The following SAMD4A variants were observed in gnomAD, a reference collection of about 807,000 sequenced individuals.
SAMD4A encodes sterile alpha motif domain containing 4A, also known as protein Smaug homolog 1.
In SAMD4A, 33 loss-of-function variants were observed where a neutral mutation model predicts 81.3. The ratio of observed to expected loss-of-function variants is 0.41; its 90% CI spans 0.31 to 0.54. The LOEUF is 0.54. Ranked by LOEUF, SAMD4A falls within the 20% of genes least tolerant of loss-of-function variation. The probability of loss-of-function intolerance (pLI) is 0.37; values close to 1 mark genes in which losing one functional copy is unlikely to be tolerated. For synonymous variants in SAMD4A, 389 were observed against 382.1 expected (o/e 1.02, Z -0.21); for missense variants, 854 against 951.1 (o/e 0.90, Z 1.34).
intron 2 of SAMD4A, among the ~76,000 whole-genome samples, chr14:54,580,000 GTT>G (rs1467705758): frequency 2.0e-5 from 3 of 152,232 alleles, no homozygotes; most frequent in African/African-American, 7.2e-5. Flanking sequence ...ATATGTTACA[GTT>G]GGTATAAGAG....
chr14:54,642,237 A>G (rs1452483847), intron 2 of SAMD4A, among the ~76,000 whole-genome samples: 4 of 152,230 alleles, frequency 2.6e-5, no homozygotes, highest in Non-Finnish European at 5.9e-5. Context: ...CACTAAGGGC[A>G]GGGGACTAAG....
intron 2 of SAMD4A, among the ~76,000 whole-genome samples, chr14:54,609,460 GTTATT>G (rs1449415454): frequency 6.6e-6 from 1 of 152,228 alleles, no homozygotes; most frequent in African/African-American, 2.4e-5. Context: ...ATAAAAGTGT[GTTATT>G]TTAAGCCACT....
At chr14:54,750,615 A>G (rs1030489563) in intron 5 of SAMD4A, among the ~76,000 whole-genome samples, 2 of 152,234 alleles carry the variant, frequency 1.3e-5, no homozygotes, top group African/African-American at 4.8e-5. Context: ...TTAGAGAAAC[A>G]AAAGACAAGC....
intron 4 of SAMD4A, among the ~76,000 whole-genome samples, chr14:54,739,881 G>A (rs547029379): frequency 6.6e-6 from 1 of 152,336 alleles, no homozygotes; most frequent in South Asian, 2.1e-4. Flanking sequence ...TTAAAGAAAT[G>A]AGATATGGCT....
Position 54,719,619 on chromosome 14 carries a change from CA to C in SAMD4A, c.715+17040del, listed in dbSNP as rs539032063. Among the ~76,000 whole-genome samples the C allele has an allele frequency of 2.0e-5, 3 of 152,118 alleles. 1 individual carries two copies. The South Asian group carries it at 6.2e-4, about 31-fold the overall frequency. Reference sequence around the variant, plus strand: ...TATACTGAATGGCAGAATCAAAGTCCAGAACGGTCTTGGGCAATATCAAGCT... The same window carrying C: ...TATACTGAATGGCAGAATCAAAGTCCGAACGGTCTTGGGCAATATCAAGCT... On this transcript the variant is annotated intron_variant, in intron 3 of 12. Coordinates refer to ENST00000554335, the MANE Select transcript of SAMD4A (RefSeq NM_015589.6).
chr14:54,678,013 A>G (rs1462034760), intron 2 of SAMD4A, among the ~76,000 whole-genome samples: 1 of 152,252 alleles, frequency 6.6e-6, no homozygotes, highest in Non-Finnish European at 1.5e-5. Context: ...TGAGGCTCCT[A>G]CAACAAAAGA....
chr14:54,656,910 A>C (rs562639210), intron 2 of SAMD4A, among the ~76,000 whole-genome samples: 1 of 151,824 alleles, frequency 6.6e-6, no homozygotes, highest in African/African-American at 2.4e-5. Context: ...CAAGCTTTTT[A>C]TGTGATTTCT....
intron 3 of SAMD4A, among the ~76,000 whole-genome samples, chr14:54,705,447 A>C (rs922558645): frequency 6.6e-6 from 1 of 152,360 alleles, no homozygotes; most frequent in African/African-American, 2.4e-5. Context: ...TCAAAGTGGA[A>C]AAACAATCTG....
At chr14:54,602,970 C>T (rs1028360590) in intron 2 of SAMD4A, among the ~76,000 whole-genome samples, 2 of 152,174 alleles carry the variant, frequency 1.3e-5, no homozygotes, top group African/African-American at 4.8e-5. Flanking sequence ...CTACTGAATC[C>T]CAGCCTACCT....
chr14:54,764,335 A>T, intron 7 of SAMD4A, 120 bp from the exon 8 acceptor site: 1 of 706,874 alleles, frequency 1.4e-6, no homozygotes, highest in Non-Finnish European at 2.4e-6. Flanking sequence ...TGTGAGCCTT[A>T]CATAAAGCCA....
intron 2 of SAMD4A, among the ~76,000 whole-genome samples, chr14:54,614,203 GTTTT>G (rs1489494690): frequency 6.6e-6 from 1 of 152,084 alleles, no homozygotes; most frequent in African/African-American, 2.4e-5. Flanking sequence ...TTCTCACAAA[GTTTT>G]TTTCTGGAAA....
intron 2 of SAMD4A, among the ~76,000 whole-genome samples, chr14:54,654,724 T>C (rs1334021335): frequency 2.0e-5 from 3 of 152,226 alleles, no homozygotes; most frequent in Non-Finnish European, 4.4e-5. Flanking sequence ...TACTGTGTTA[T>C]CCAGATATTT....
At chr14:54,573,604 T>C (rs1165513874) in intron 2 of SAMD4A, among the ~76,000 whole-genome samples, 1 of 152,252 alleles carries the variant, frequency 6.6e-6, no homozygotes, top group East Asian at 1.9e-4. Context: ...TTTTAAAATA[T>C]ACAATCACTA....
At chr14:54,706,815 A>G (rs997333241) in intron 3 of SAMD4A, among the ~76,000 whole-genome samples, 2 of 151,958 alleles carry the variant, frequency 1.3e-5, no homozygotes, top group Non-Finnish European at 2.9e-5. Context: ...CAGGCTCATG[A>G]AGGGAGAGGT....
intron 3 of SAMD4A, among the ~76,000 whole-genome samples, chr14:54,724,004 G>GGAAGGAAGGAA (rs1315450521): frequency 1.9e-5 from 2 of 107,740 alleles, no homozygotes; most frequent in South Asian, 3.5e-4. Flanking sequence ...ATGGATGGAT[G>GGAAGGAAGGAA]GATGGAAGGA....
At chr14:54,738,080 G>A (rs1188707273) in intron 4 of SAMD4A, among the ~76,000 whole-genome samples, 1 of 152,240 alleles carries the variant, frequency 6.6e-6, no homozygotes. Context: ...AGGCAAAGAT[G>A]CACATTCAGA....
At chr14:54,704,944 A>T (rs1042252346) in intron 3 of SAMD4A, among the ~76,000 whole-genome samples, 1 of 152,206 alleles carries the variant, frequency 6.6e-6, no homozygotes, top group Non-Finnish European at 1.5e-5. Context: ...CCTGGGAGGC[A>T]GCCTGACAGA....
rs1205851846 is a variant in SAMD4A, at chr14:54,770,304, A to G, written c.1715+82A>G. ...CTACCTCGGTTCCTGGGGCAGGAATATGGCAGGGCACCATTCCTTGTTCAC... is the reference window on the plus strand; with the variant it reads ...CTACCTCGGTTCCTGGGGCAGGAATGTGGCAGGGCACCATTCCTTGTTCAC... On this transcript the variant is annotated intron_variant, in intron 9 of 12. Coordinates refer to ENST00000554335, the MANE Select transcript of SAMD4A (RefSeq NM_015589.6). 8 of 887,760 alleles carry G rather than the reference A, an allele frequency of 9.0e-6. No individual in the cohort carries two copies. The Admixed American group carries it at 1.2e-4, about 13-fold the overall frequency. The allele number at this position is 887,760 out of a possible 1,614,324, so 55.0% of individuals were successfully genotyped here. A position where few individuals can be genotyped will look rare whatever the true frequency, so the allele number is the denominator to read the frequency against.
At chr14:54,568,690 CATATATATATATATAT>C (rs59190435) in intron 2 of SAMD4A, among the ~76,000 whole-genome samples, 796 of 31,886 alleles carry the variant, frequency 0.025, 12 homozygotes, top group East Asian at 0.071. Flanking sequence ...ACATTTGCAG[CATATATATATATATAT>C]ATATATATAT....
Sources: allele counts gnomAD v4.1 joint callset (sites outside exome capture counted in the v4.1 genomes callset), GRCh38; gene constraint gnomAD v4.1.1; transcripts MANE v1.5; gene names NCBI Gene and HGNC (gene_info 2026-07-23, HGNC 2026-07-21).